The following ADAMTS12 variants were observed in gnomAD, a reference collection of about 807,000 sequenced individuals.
The protein encoded by ADAMTS12 is A disintegrin and metalloproteinase with thrombospondin motifs 12.
ADAMTS12 carries 118 observed loss-of-function variants against 167.8 expected under a neutral mutation model. The ratio of observed to expected loss-of-function variants is 0.70; its 90% CI spans 0.61 to 0.82. The LOEUF (loss-of-function observed/expected upper bound fraction) is 0.82. Ranked by LOEUF, ADAMTS12 falls within the 40% of genes least tolerant of loss-of-function variation. The probability of loss-of-function intolerance (pLI) is 0.00; values close to 1 mark genes in which losing one functional copy is unlikely to be tolerated. For synonymous variants in ADAMTS12, 704 were observed against 716.9 expected (o/e 0.98, Z 0.29); for missense variants, 1,916 against 1,998.8 (o/e 0.96, Z 0.79).
chr5:33,561,743 TG>T (rs1745758695), intron 19 of ADAMTS12, among the ~76,000 whole-genome samples: 1 of 152,212 alleles, frequency 6.6e-6, no homozygotes, highest in African/African-American at 2.4e-5. Flanking sequence ...ATTGCACCAC[TG>T]CACTCCAGCC....
chr5:33,679,994 T>A (rs188574424), intron 5 of ADAMTS12, among the ~76,000 whole-genome samples: 1 of 152,354 alleles, frequency 6.6e-6, no homozygotes, highest in East Asian at 1.9e-4. Flanking sequence ...GTTGTTGAGC[T>A]GCTTATTAGT....
chr5:33,630,678 G>C (rs1024549591), intron 13 of ADAMTS12, 102 bp downstream of exon 13: 3 of 1,245,926 alleles, frequency 2.4e-6, no homozygotes, highest in African/African-American at 3.0e-5. Context: ...AAACAGATGA[G>C]GTGTAAATGC....
chr5:33,751,856 T>C (rs931489725), intron 2 of ADAMTS12, among the ~76,000 whole-genome samples: 2 of 152,206 alleles, frequency 1.3e-5, no homozygotes, highest in African/African-American at 4.8e-5. Flanking sequence ...CTAAAACCCA[T>C]TGCTGGATAT....
intron 5 of ADAMTS12, 136 bp from the exon 6 acceptor site, chr5:33,662,176 G>A (rs1388476448): frequency 1.8e-6 from 2 of 1,117,952 alleles, no homozygotes; most frequent in African/African-American, 3.1e-5. Flanking sequence ...GCAGTCATGT[G>A]GCAGAGGCCA....
intron 20 of ADAMTS12, among the ~76,000 whole-genome samples, chr5:33,551,135 G>A (rs1745239796): frequency 6.6e-6 from 1 of 152,162 alleles, no homozygotes. Context: ...GAATAGCCAT[G>A]ATTCTAGGGC....
chr5:33,871,154 G>C (rs898390859), intron 2 of ADAMTS12, among the ~76,000 whole-genome samples: 3 of 152,006 alleles, frequency 2.0e-5, no homozygotes, highest in African/African-American at 7.2e-5. Flanking sequence ...AAATGAAATA[G>C]AAAATTTGAA....
chr5:33,735,126 AC>A (rs1269854579), intron 3 of ADAMTS12, among the ~76,000 whole-genome samples: 1 of 152,168 alleles, frequency 6.6e-6, no homozygotes, highest in Non-Finnish European at 1.5e-5. Flanking sequence ...AATTCTCCCA[AC>A]CCTTACTGAT....
chr5:33,654,939 C>G (rs1009282179), intron 7 of ADAMTS12, among the ~76,000 whole-genome samples: 1 of 148,196 alleles, frequency 6.7e-6, no homozygotes, highest in African/African-American at 2.5e-5. Context: ...ATCATCAGTT[C>G]CAAGTCTGGC....
intron 20 of ADAMTS12, among the ~76,000 whole-genome samples, chr5:33,552,186 T>C (rs562697974): frequency 4.8e-4 from 73 of 152,360 alleles, no homozygotes; most frequent in African/African-American, 1.7e-3. Context: ...CTTTTCTTTC[T>C]TGTGCTATTT....
At chr5:33,774,083 C>T (rs1344551026) in intron 2 of ADAMTS12, among the ~76,000 whole-genome samples, 2 of 152,182 alleles carry the variant, frequency 1.3e-5, no homozygotes, top group African/African-American at 4.8e-5. Flanking sequence ...ACCACAATTA[C>T]TTTTGCACCA....
Position 33,891,797 on chromosome 5 carries a change from G to C in ADAMTS12, c.60C>G (p.Asn20Lys), listed in dbSNP as rs1750867694. The C allele has an allele frequency of 6.2e-7, 1 of 1,614,126 alleles. No individual in the cohort carries two copies. Among genetic ancestry groups the C allele is most frequent in the African/African-American group, 1.3e-5 (1 of 74,956 alleles). Residue 20 changes from asparagine to lysine, a missense_variant, in exon 1 of 24, where the codon AAC becomes AAG. Coordinates refer to ENST00000504830, the MANE Select transcript of ADAMTS12 (RefSeq NM_030955.4). ...ANLSVVAQLL[N>K]FGALCYGRQP... The stretch of plus-strand genomic sequence containing the variant: ...GTCTCCCATAGCAAAGCGCCCCAAA[G>C]TTAAGGAGCTGAGCCACCACGGAAA...
chr5:33,889,629 T>C (rs1017438600), intron 1 of ADAMTS12, among the ~76,000 whole-genome samples: 1 of 152,214 alleles, frequency 6.6e-6, no homozygotes, highest in Non-Finnish European at 1.5e-5. Flanking sequence ...CACTAGGGAA[T>C]TGATTGTGGT....
intron 3 of ADAMTS12, among the ~76,000 whole-genome samples, chr5:33,718,391 A>G (rs1348425800): frequency 6.6e-6 from 1 of 152,172 alleles, no homozygotes; most frequent in Non-Finnish European, 1.5e-5. Flanking sequence ...ATGAGCAAGC[A>G]TTACCATCTG....
chr5:33,851,924 C>T (rs988613321), intron 2 of ADAMTS12, among the ~76,000 whole-genome samples: 1 of 152,246 alleles, frequency 6.6e-6, no homozygotes, highest in African/African-American at 2.4e-5. Flanking sequence ...ACACCATAGC[C>T]TGCTTATCAA....
chr5:33,789,061 C>T (rs1240288576), intron 2 of ADAMTS12, among the ~76,000 whole-genome samples: 1 of 152,188 alleles, frequency 6.6e-6, no homozygotes, highest in African/African-American at 2.4e-5. Context: ...CAGGATCACA[C>T]GGATTCTGTA....
rs182856735 is a variant in ADAMTS12, at chr5:33,792,489, T to C, written c.490-40941A>G. Among the ~76,000 whole-genome samples the C allele has an allele frequency of 5.9e-5, 9 of 152,366 alleles. No homozygotes were observed. In the East Asian group the frequency reaches 1.7e-3, roughly 29 times the overall value. ...TTCCTTGACCTCGTGATAATATCTC[T>C]ACAGTTTACATAATTGACATCCAAT... On this transcript the variant is annotated intron_variant, in intron 2 of 23. Transcript: ENST00000504830.
At chr5:33,765,549 T>C (rs1381887772) in intron 2 of ADAMTS12, among the ~76,000 whole-genome samples, 4 of 152,224 alleles carry the variant, frequency 2.6e-5, no homozygotes, top group Admixed American at 1.3e-4. Context: ...AAATGTACCC[T>C]CCATTTTTCA....
chr5:33,726,167 G>T (rs1005152602), intron 3 of ADAMTS12, among the ~76,000 whole-genome samples: 1 of 152,100 alleles, frequency 6.6e-6, no homozygotes, highest in African/African-American at 2.4e-5. Context: ...ATCACCAGAT[G>T]GGTCTACAAG....
intron 2 of ADAMTS12, among the ~76,000 whole-genome samples, chr5:33,880,021 T>C (rs1750372086): frequency 1.3e-5 from 2 of 152,222 alleles, no homozygotes; most frequent in Non-Finnish European, 2.9e-5. Flanking sequence ...TTCCTTCCCC[T>C]GCAGTCACTC....
Sources: gnomAD v4.1 joint callset for allele counts (sites outside exome capture counted in the v4.1 genomes callset) on GRCh38, gnomAD v4.1.1 for gene constraint, MANE v1.5 for transcripts, NCBI Gene and HGNC (gene_info 2026-07-23, HGNC 2026-07-21) for gene names.